Variants in ADAM12 observed in about 807,000 individuals in gnomAD.
The protein encoded by ADAM12 is ADAM metallopeptidase domain 12, also known as disintegrin and metalloproteinase domain-containing protein 12.
Under a neutral mutation model 106.4 loss-of-function variants are expected in ADAM12, and 70 were observed. That is an observed-to-expected ratio of 0.66 (90% CI 0.54 to 0.80). ADAM12 has a LOEUF of 0.80. Among genes scored for constraint, ADAM12 ranks in the 30% least tolerant of loss-of-function variants. The pLI, the probability that ADAM12 is intolerant of heterozygous loss-of-function variation, is 0.00. For synonymous variants in ADAM12, 420 were observed against 433.5 expected (o/e 0.97, Z 0.39); for missense variants, 1,010 against 1,171.9 (o/e 0.86, Z 2.02).
At chr10:126,239,497 G>C (rs1958482328) in intron 3 of ADAM12, among the ~76,000 whole-genome samples, 1 of 152,152 alleles carries the variant, frequency 6.6e-6, no homozygotes, top group Non-Finnish European at 1.5e-5. Flanking sequence ...CCAATGTACA[G>C]CTCAAAGCTT....
chr10:126,325,191 C>G (rs946041209), intron 2 of ADAM12, among the ~76,000 whole-genome samples: 15 of 152,206 alleles, frequency 9.9e-5, no homozygotes, highest in Middle Eastern at 3.4e-3. Context: ...GAGAGGAGTT[C>G]AGAGGAGGAG....
At chr10:126,138,192 T>C (rs1956441064) in intron 4 of ADAM12, among the ~76,000 whole-genome samples, 1 of 152,218 alleles carries the variant, frequency 6.6e-6, no homozygotes, top group African/African-American at 2.4e-5. Flanking sequence ...TCCATTTTTA[T>C]GTCTTCTTTG....
chr10:126,032,144 A>C (rs1432282300), intron 21 of ADAM12, among the ~76,000 whole-genome samples: 1 of 152,186 alleles, frequency 6.6e-6, no homozygotes, highest in Non-Finnish European at 1.5e-5. Flanking sequence ...TGTTTGTGGT[A>C]GTGTTTTCTT....
At chr10:126,070,543 C>T (rs1047016993) in intron 12 of ADAM12, 5 of 152,202 alleles carry the variant, frequency 3.3e-5, no homozygotes, top group Non-Finnish European at 7.3e-5. Context: ...AGTCTCAACA[C>T]GATTTCTCCT....
intron 3 of ADAM12, among the ~76,000 whole-genome samples, chr10:126,217,730 T>C (rs1344585215): frequency 6.8e-5 from 5 of 73,388 alleles, no homozygotes; most frequent in South Asian, 2.0e-3. Flanking sequence ...CCCAGCACTT[T>C]GGGAGGCCAA....
At chr10:126,026,449 C>G (rs889674893) in intron 21 of ADAM12, among the ~76,000 whole-genome samples, 1 of 152,198 alleles carries the variant, frequency 6.6e-6, no homozygotes, top group African/African-American at 2.4e-5. Context: ...AACTACAGAA[C>G]TGTCCACCCA....
At chr10:126,301,906 G>A (rs1960641535) in intron 2 of ADAM12, among the ~76,000 whole-genome samples, 2 of 152,074 alleles carry the variant, frequency 1.3e-5, no homozygotes, top group Non-Finnish European at 2.9e-5. Flanking sequence ...TCTGAGCCTG[G>A]GGCCTAATTA....
rs150303987 is a variant in ADAM12, at chr10:126,071,534, C to T, written c.1266G>A (p.Gln422=). ...CTTCCACAAATCTGTTCCCACACTTCTGGCCCCCGAAAGACTCCCTGACTT... is the reference window on the plus strand; with the variant it reads ...CTTCCACAAATCTGTTCCCACACTTTTGGCCCCCGAAAGACTCCCTGACTT... The part of the protein sequence containing the change: ...LPEVRESFGG[Q]KCGNRFVEEG... The change falls in exon 12 of 23, where the codon CAG becomes CAA. Residue 422 remains glutamine (Q), a synonymous_variant. Transcript: ENST00000448723. The T allele has an allele frequency of 2.5e-5, 41 of 1,614,106 alleles. No individual in the cohort carries two copies. Among genetic ancestry groups the T allele is most frequent in the Non-Finnish European group, 3.1e-5 (37 of 1,180,052 alleles).
chr10:126,161,190 G>A (rs554389823), intron 3 of ADAM12, among the ~76,000 whole-genome samples: 2 of 152,204 alleles, frequency 1.3e-5, no homozygotes. Flanking sequence ...CAGCCCTGCA[G>A]AGAGCCTGCA....
chr10:126,207,128 G>A (rs1329122242), intron 3 of ADAM12, among the ~76,000 whole-genome samples: 1 of 152,114 alleles, frequency 6.6e-6, no homozygotes, highest in Non-Finnish European at 1.5e-5. Flanking sequence ...TTTATTAGCA[G>A]CATGAAAACG....
intron 3 of ADAM12, among the ~76,000 whole-genome samples, chr10:126,218,146 C>T (rs1487291165): frequency 7.2e-6 from 1 of 138,390 alleles, no homozygotes; most frequent in Non-Finnish European, 1.5e-5. Flanking sequence ...TCATTATCAG[C>T]AACAAAAGCA....
intron 4 of ADAM12, among the ~76,000 whole-genome samples, chr10:126,153,320 G>A (rs1032990232): frequency 6.6e-6 from 1 of 152,142 alleles, no homozygotes; most frequent in African/African-American, 2.4e-5. Flanking sequence ...TGCCTCAAGT[G>A]GTTTTAAGAG....
chr10:126,347,345 C>G (rs1030685558), intron 1 of ADAM12, among the ~76,000 whole-genome samples: 2 of 152,136 alleles, frequency 1.3e-5, no homozygotes, highest in East Asian at 3.8e-4. Context: ...TGTTGAATAT[C>G]GGCCCCCACT....
chr10:126,167,396 A>G (rs772627983), intron 3 of ADAM12, among the ~76,000 whole-genome samples: 5 of 152,218 alleles, frequency 3.3e-5, no homozygotes, highest in Non-Finnish European at 2.9e-5. Context: ...AGGGACAACT[A>G]TACTTAATGT....
chr10:126,092,674 C>T (rs1170208638), intron 11 of ADAM12, among the ~76,000 whole-genome samples: 1 of 152,184 alleles, frequency 6.6e-6, no homozygotes, highest in Non-Finnish European at 1.5e-5. Context: ...TCAACAAAGT[C>T]TTGGTGACTC....
chr10:126,073,339 C>T (rs1271169745), intron 11 of ADAM12, among the ~76,000 whole-genome samples: 1 of 152,120 alleles, frequency 6.6e-6, no homozygotes, highest in African/African-American at 2.4e-5. Context: ...CTGCCCGCCT[C>T]GGCCTCCCAA....
At chr10:126,132,221 C>A (rs561952531) in intron 5 of ADAM12, among the ~76,000 whole-genome samples, 1 of 152,292 alleles carries the variant, frequency 6.6e-6, no homozygotes, top group South Asian at 2.1e-4. Flanking sequence ...GATCCACCCG[C>A]CTCGGCCTCC....
At chr10:126,280,724 T>G (rs10901583) in intron 2 of ADAM12, among the ~76,000 whole-genome samples, 64,234 of 152,158 alleles carry the variant, frequency 0.42, 15,811 homozygotes, top group Non-Finnish European at 0.55. Context: ...GATATTACTT[T>G]AAATAGTTAT....
intron 1 of ADAM12, among the ~76,000 whole-genome samples, chr10:126,377,247 C>G (rs1044700893): frequency 2.6e-5 from 4 of 152,070 alleles, no homozygotes; most frequent in Non-Finnish European, 5.9e-5. Context: ...TCTAGAGGGA[C>G]AGAACTAATA....
Sources: gnomAD v4.1 joint callset for allele counts (sites outside exome capture counted in the v4.1 genomes callset) on GRCh38, gnomAD v4.1.1 for gene constraint, MANE v1.5 for transcripts, NCBI Gene and HGNC (gene_info 2026-07-23, HGNC 2026-07-21) for gene names.